FAM131B: variants seen among roughly 807,000 people sequenced by gnomAD.
FAM131B encodes the protein family with sequence similarity 131 member B, also known as protein FAM131B.
FAM131B carries 19 observed loss-of-function variants against 42.0 expected under a neutral mutation model. The observed-to-expected ratio is 0.45, with a 90% CI of 0.32 to 0.66. The LOEUF (loss-of-function observed/expected upper bound fraction) is 0.66. Among genes scored for constraint, FAM131B ranks in the 30% least tolerant of loss-of-function variants. The pLI, the probability that FAM131B is intolerant of heterozygous loss-of-function variation, is 0.05. For missense variants in FAM131B, 370 were observed against 468.4 expected (o/e 0.79, Z 1.94); for synonymous variants, 183 against 177.6 (o/e 1.03, Z -0.24).
chr7:143,363,738 T>C (rs6464545), upstream of FAM131B, among the ~76,000 whole-genome samples: 148,204 of 152,262 alleles, frequency 0.97, 72,242 homozygotes, highest in East Asian at 1. Context: ...AGTGGGCAGG[T>C]GGGCATTCAC....
At chr7:143,371,336 G>T in the FAM131B span, among the ~76,000 whole-genome samples, 2 of 152,116 alleles carry the variant, frequency 1.3e-5, no homozygotes, top group Non-Finnish European at 2.9e-5. Flanking sequence ...GAAGGGCCAG[G>T]CGTGGTGGCT....
chr7:143,368,043 G>A, the FAM131B span, among the ~76,000 whole-genome samples: 5 of 152,302 alleles, frequency 3.3e-5, no homozygotes, highest in Middle Eastern at 3.4e-3. Flanking sequence ...CCAGCAGATC[G>A]CGCCTGCATA....
chr7:143,381,841 G>A, the FAM131B span: 6 of 1,410,116 alleles, frequency 4.3e-6, no homozygotes, highest in Non-Finnish European at 5.7e-6. Context: ...CAGTCGTTTC[G>A]GGAATTTGGG....
chr7:143,377,730 T>G, the FAM131B span, among the ~76,000 whole-genome samples: 1 of 152,076 alleles, frequency 6.6e-6, no homozygotes, highest in Admixed American at 6.6e-5. Context: ...TTGTTTGTTT[T>G]TTGGACAGAG....
chr7:143,375,211 G>A, the FAM131B span, among the ~76,000 whole-genome samples: 2 of 152,166 alleles, frequency 1.3e-5, no homozygotes, highest in African/African-American at 4.8e-5. Context: ...AATGGTTCTG[G>A]AACTCAGTTT....
chr7:143,368,887 T>C, the FAM131B span, among the ~76,000 whole-genome samples: 1 of 152,228 alleles, frequency 6.6e-6, no homozygotes, highest in African/African-American at 2.4e-5. Context: ...TATCCTTTCC[T>C]GCAACTGATC....
chr7:143,362,713 C>T lies in FAM131B; in HGVS notation c.-110G>A, dbSNP rs953223309. Reference sequence around the variant, plus strand: ...CGCTCTGCAGCGCCGCGGCTGTCTCCGCTCGGCTCCGCTCCCCCCTCCCCT... The same window carrying T: ...CGCTCTGCAGCGCCGCGGCTGTCTCTGCTCGGCTCCGCTCCCCCCTCCCCT... On this transcript the variant is annotated 5_prime_UTR_variant, in exon 1 of 7. Coordinates refer to ENST00000443739, the MANE Select transcript of FAM131B (RefSeq NM_001031690.3). The surrounding 1 kb of genome is among the most constrained non-coding windows in gnomAD (Gnocchi z 7.7). 2.0e-4 allele frequency: 83 copies of T among 404,900 alleles called. No individual in the cohort carries two copies. Among genetic ancestry groups the T allele is most frequent in the African/African-American group, 1.7e-3 (81 of 46,914 alleles). The allele number at this position is 404,900 out of a possible 1,614,324, so 25.1% of individuals were successfully genotyped here.
Position 143,359,789 on chromosome 7 carries a change from A to T in FAM131B, c.139-22T>A. ...TTTGCTGTGAGGAGAGAGGAAAGGG[A>T]ATGGGCATCCCAGTCACTCGCAGGA... On this transcript the variant is annotated intron_variant, in intron 2 of 6. Transcript: ENST00000443739. This position sits in a 1 kb window ranked among gnomAD's most constrained non-coding sequence, Gnocchi z 5.4. The T allele has an allele frequency of 6.4e-7, 1 of 1,559,294 alleles. No homozygotes were observed. Among genetic ancestry groups the T allele is most frequent in the South Asian group, 1.2e-5 (1 of 84,528 alleles).
At chr7:143,381,028 G>A in the FAM131B span, 4 of 276,330 alleles carry the variant, frequency 1.4e-5, no homozygotes, top group Non-Finnish European at 2.2e-5. Context: ...GGCGGGGAGG[G>A]GGAGGCAGGT....
At chr7:143,377,057 C>A in the FAM131B span, among the ~76,000 whole-genome samples, 57 of 152,288 alleles carry the variant, frequency 3.7e-4, no homozygotes, top group Middle Eastern at 6.8e-3. Context: ...CTCACTGCAA[C>A]CTCCACCTCC....
the FAM131B span, chr7:143,380,522 C>T: frequency 1.0e-6 from 1 of 985,538 alleles, no homozygotes; most frequent in East Asian, 1.1e-4. The surrounding 1 kb of genome is among the most constrained non-coding windows in gnomAD (Gnocchi z 5.0). Context: ...CCTCCCGGGT[C>T]TCCAGTCCGC....
At chr7:143,374,694 T>C in the FAM131B span, among the ~76,000 whole-genome samples, 1 of 152,218 alleles carries the variant, frequency 6.6e-6, no homozygotes, top group East Asian at 1.9e-4. Context: ...ATCTCTGTCT[T>C]GACACTCCAG....
the FAM131B span, among the ~76,000 whole-genome samples, chr7:143,378,649 C>T: frequency 6.7e-6 from 1 of 148,858 alleles, no homozygotes; most frequent in Non-Finnish European, 1.5e-5. Flanking sequence ...TCTTGGCTCA[C>T]TGCAACTTCC....
the FAM131B span, chr7:143,381,935 T>TGGC: frequency 7.5e-6 from 6 of 798,108 alleles, no homozygotes; most frequent in Non-Finnish European, 1.1e-5. Flanking sequence ...GTGGAGCTCG[T>TGGC]GGCTGGGAGC....
chr7:143,382,243 C>G, the FAM131B span: 6 of 1,611,916 alleles, frequency 3.7e-6, no homozygotes, highest in South Asian at 2.2e-5. Context: ...TCCTTCCTAC[C>G]CCAGACTTTC....
At position 143,359,649 on chromosome 7, in the gene FAM131B, C is replaced by T; in HGVS notation, c.174+83G>A. 2 of 1,331,638 alleles carry T rather than the reference C, an allele frequency of 1.5e-6. No homozygotes were observed. Among genetic ancestry groups the T allele is most frequent in the South Asian group, 1.3e-5 (1 of 79,606 alleles). 82.5% of individuals were successfully genotyped at this position (1,331,638 alleles called of 1,614,324 possible). On this transcript the variant is annotated intron_variant, in intron 3 of 6. Coordinates refer to ENST00000443739, the MANE Select transcript of FAM131B (RefSeq NM_001031690.3). This position sits in a 1 kb window ranked among gnomAD's most constrained non-coding sequence, Gnocchi z 5.4. ...CAGTGCCTATTGGAGCCAGGGAATA[C>T]CGTGCTGGTTGGAAGGTGCAAGGGA...
chr7:143,354,770 T>A lies in FAM131B; in HGVS notation c.*1780A>T, dbSNP rs1309255199. The stretch of plus-strand genomic sequence containing the variant: ...AAAACCAACCTCAGGATAACCATTG[T>A]CCCCCTTCCATGGAAGACACAGAAC... On this transcript the variant is annotated 3_prime_UTR_variant, in exon 7 of 7. Coordinates refer to ENST00000443739, the MANE Select transcript of FAM131B (RefSeq NM_001031690.3). The A allele has an allele frequency of 6.6e-6, 1 of 152,354 alleles. No individual in the cohort carries two copies. Among genetic ancestry groups the A allele is most frequent in the African/African-American group, 2.4e-5 (1 of 41,458 alleles). The allele number at this position is 152,354 out of a possible 1,614,324, so 9.4% of individuals were successfully genotyped here.
chr7:143,355,561 A>C lies in FAM131B; in HGVS notation c.*989T>G, dbSNP rs1436377177. ...CCAAGAAGTTATAAAAATGTAGAAAAGGCAAAGAGAAAAGTGTAAACAGCT... is the reference window on the plus strand; with the variant it reads ...CCAAGAAGTTATAAAAATGTAGAAACGGCAAAGAGAAAAGTGTAAACAGCT... On this transcript the variant is annotated 3_prime_UTR_variant, in exon 7 of 7. Coordinates refer to ENST00000443739, the MANE Select transcript of FAM131B (RefSeq NM_001031690.3). The surrounding 1 kb of genome is among the most constrained non-coding windows in gnomAD (Gnocchi z 4.1). The C allele has an allele frequency of 3.3e-5, 5 of 152,660 alleles. No individual in the cohort carries two copies. The highest frequency in any genetic ancestry group is 4.8e-5 in the African/African-American group (2 of 41,438). 9.5% of individuals were successfully genotyped at this position (152,660 alleles called of 1,614,324 possible).
Position 143,359,834 on chromosome 7 carries a change from C to T in FAM131B, c.139-67G>A. 6.9e-7 allele frequency: 1 copy of T among 1,442,802 alleles called. No homozygotes were observed. The highest frequency in any genetic ancestry group is 9.5e-7 in the Non-Finnish European group (1 of 1,049,686). 89.4% of individuals were successfully genotyped at this position (1,442,802 alleles called of 1,614,324 possible). A position where few individuals can be genotyped will look rare whatever the true frequency, so the allele number is the denominator to read the frequency against. On this transcript the variant is annotated intron_variant, in intron 2 of 6. Coordinates refer to ENST00000443739, the MANE Select transcript of FAM131B (RefSeq NM_001031690.3). This position sits in a 1 kb window ranked among gnomAD's most constrained non-coding sequence, Gnocchi z 5.4. Reference sequence around the variant, plus strand: ...GCAGGAATGCAAGGAAGCCCCCTTCCTCAGAGGGCCTTCCAGGAGTGCGGG... The same window carrying T: ...GCAGGAATGCAAGGAAGCCCCCTTCTTCAGAGGGCCTTCCAGGAGTGCGGG...
Sources: gnomAD v4.1 joint callset for allele counts (sites outside exome capture counted in the v4.1 genomes callset) on GRCh38, gnomAD v4.1.1 for gene constraint, Gnocchi (gnomAD v3.1) non-coding constraint, MANE v1.5 for transcripts, NCBI Gene and HGNC (gene_info 2026-07-23, HGNC 2026-07-21) for gene names.